Variants in ABCC5 observed in about 807,000 individuals in gnomAD.
ABCC5 encodes the protein ATP-binding cassette sub-family C member 5.
A neutral mutation model predicts 160.9 loss-of-function variants in ABCC5; 61 were observed. The observed-to-expected ratio is 0.38, with a 90% CI of 0.31 to 0.47. The LOEUF is 0.47. Among genes scored for constraint, ABCC5 ranks in the 20% least tolerant of loss-of-function variants. ABCC5 has a pLI of 0.99. For synonymous variants in ABCC5, 666 were observed against 700.6 expected (o/e 0.95, Z 0.78); for missense variants, 1,308 against 1,813.3 (o/e 0.72, Z 5.06).
chr3:183,944,584 T>C (rs1193679657), intron 24 of ABCC5, among the ~76,000 whole-genome samples: 2 of 152,170 alleles, frequency 1.3e-5, no homozygotes, highest in African/African-American at 4.8e-5. Flanking sequence ...TTGAGTTCAA[T>C]TTGAGAATCT....
At position 183,982,686 on chromosome 3, in the gene ABCC5, G is replaced by A. The variant is rs1319995478; in HGVS notation, c.826-62C>T. The A allele has an allele frequency of 1.2e-6, 2 of 1,607,146 alleles. No individual in the cohort carries two copies. The highest frequency in any genetic ancestry group is 2.7e-5 in the African/African-American group (2 of 74,682). On this transcript the variant is annotated intron_variant, in intron 6 of 29. Transcript: ENST00000334444. This position sits in a 1 kb window ranked among gnomAD's most constrained non-coding sequence, Gnocchi z 5.2. ...GGACACGGTTCATTTGTCTCAGGAG[G>A]AAGATAAAGGATAAGGCAGGGCCCT...
At chr3:183,953,000 AAC>A in intron 18 of ABCC5, 84 bp downstream of exon 18, 3 of 1,386,536 alleles carry the variant, frequency 2.2e-6, no homozygotes, top group South Asian at 1.4e-5. Flanking sequence ...TGAAAACTAG[AAC>A]AGTTTCCCTA....
chr3:183,940,345 A>C (rs2108779043), intron 25 of ABCC5, among the ~76,000 whole-genome samples: 1 of 51,024 alleles, frequency 2.0e-5, no homozygotes, highest in Admixed American at 2.3e-4. Flanking sequence ...TAAAAAATAC[A>C]AAAAAAAAAA....
intron 2 of ABCC5, among the ~76,000 whole-genome samples, chr3:184,008,179 C>G (rs923042872): frequency 3.9e-5 from 6 of 152,212 alleles, no homozygotes; most frequent in African/African-American, 1.4e-4. Context: ...TTATCTTTAT[C>G]TGCACCAGAC....
intron 26 of ABCC5, among the ~76,000 whole-genome samples, chr3:183,932,179 G>T (rs558135422): frequency 6.6e-6 from 1 of 152,318 alleles, no homozygotes; most frequent in South Asian, 2.1e-4. Context: ...TTGGTTTTCA[G>T]AGCAGGAGAT....
rs1209923009 is a variant in ABCC5 at position 183,981,744 on chromosome 3, A to G, written c.1130T>C (p.Phe377Ser). 4 of 1,611,016 alleles carry G rather than the reference A, an allele frequency of 2.5e-6. No individual in the cohort carries two copies. The highest frequency in any genetic ancestry group is 3.4e-6 in the Non-Finnish European group (4 of 1,179,374). ...AAACTCACTTTGAACACTCTGAGAAAATGCTTTGACCCAGGCATACATTTT... is the reference window on the plus strand; with the variant it reads ...AAACTCACTTTGAACACTCTGAGAAGATGCTTTGACCCAGGCATACATTTT... ...FIKMYAWVKA[F>S]SQSVQKIREE... The change falls in exon 8 of 30, where the codon TTT (phenylalanine) becomes TCT (serine). Residue 377 changes from phenylalanine to serine, a missense_variant. Physicochemically the swap from Phe to Ser is radical, Grantham distance 155. Coordinates refer to ENST00000334444, the MANE Select transcript of ABCC5 (RefSeq NM_005688.4).
At position 183,982,915 on chromosome 3, in the gene ABCC5, C is replaced by T. The variant is rs373271134; in HGVS notation, c.684G>A (p.Thr228=). The part of the protein sequence containing the change: ...SLLLVLGLLL[T]EIVRSWSLAL... ...CAAGCGACCAAGACCGCACGATTTC[C>T]GTCAGGAGGAGGCCCAGCACTAACA... The change falls in exon 6 of 30, where the codon ACG becomes ACA. Residue 228 remains threonine (T), a synonymous_variant. Coordinates refer to ENST00000334444, the MANE Select transcript of ABCC5 (RefSeq NM_005688.4). The surrounding 1 kb of genome is among the most constrained non-coding windows in gnomAD (Gnocchi z 5.2). 1.2e-5 allele frequency: 19 copies of T among 1,614,224 alleles called. No homozygotes were observed. The highest frequency in any genetic ancestry group is 1.5e-5 in the Non-Finnish European group (18 of 1,180,034).
intron 5 of ABCC5, chr3:183,983,963 T>A (rs897502247): frequency 3.0e-6 from 3 of 985,272 alleles, no homozygotes; most frequent in African/African-American, 1.7e-5. Flanking sequence ...ATAGAACCCA[T>A]ATCTGTTTCC....
At chr3:183,935,403 T>TA (rs1560473066) in intron 26 of ABCC5, among the ~76,000 whole-genome samples, 8 of 146,838 alleles carry the variant, frequency 5.4e-5, no homozygotes. Flanking sequence ...GCTGGTCTGG[T>TA]ACTCCTGACC....
intron 2 of ABCC5, chr3:184,001,220 T>C (rs1275534528): frequency 3.7e-6 from 2 of 536,370 alleles, no homozygotes; most frequent in Non-Finnish European, 6.7e-6. Flanking sequence ...GCCACCGCAC[T>C]ACAGTCTGGG....
chr3:183,935,835 C>T (rs1219358829), intron 26 of ABCC5, among the ~76,000 whole-genome samples: 26 of 152,228 alleles, frequency 1.7e-4, no homozygotes. Flanking sequence ...TATTGCTTGT[C>T]TGACCTTATT....
chr3:183,987,355 C>T lies in ABCC5; in HGVS notation c.591+415G>A, dbSNP rs761990209. 2.4e-4 allele frequency: 95 copies of T among 395,456 alleles called. No individual in the cohort carries two copies. The highest frequency in any genetic ancestry group is 6.7e-4 in the Middle Eastern group (1 of 1,500). 24.5% of individuals were successfully genotyped at this position (395,456 alleles called of 1,614,324 possible). Reference sequence around the variant, plus strand: ...CAGGGCTTATTTGCCACAGACCTGCCAAACATGTGATAACTGCCTCCAGGC... The same window carrying T: ...CAGGGCTTATTTGCCACAGACCTGCTAAACATGTGATAACTGCCTCCAGGC... On this transcript the variant is annotated intron_variant, in intron 5 of 29. Coordinates refer to ENST00000334444, the MANE Select transcript of ABCC5 (RefSeq NM_005688.4). This position sits in a 1 kb window ranked among gnomAD's most constrained non-coding sequence, Gnocchi z 4.2.
Position 183,988,739 on chromosome 3 carries a change from A to G in ABCC5, c.288-12T>C. 1 of 1,611,034 alleles carries G rather than the reference A, an allele frequency of 6.2e-7. No individual in the cohort carries two copies. The highest frequency in any genetic ancestry group is 8.5e-7 in the Non-Finnish European group (1 of 1,179,038). On this transcript the variant is annotated splice_polypyrimidine_tract_variant and intron_variant, in intron 3 of 29. Transcript: ENST00000334444. The surrounding 1 kb of genome is among the most constrained non-coding windows in gnomAD (Gnocchi z 4.4). Reference sequence around the variant, plus strand: ...CTGGGTGCTGGTGTCTAAGGAGAGAAAACCGAAATCACAAAGCTATCAACA... The same window carrying G: ...CTGGGTGCTGGTGTCTAAGGAGAGAGAACCGAAATCACAAAGCTATCAACA...
chr3:183,982,939 C>T lies in ABCC5; in HGVS notation c.660G>A (p.Leu220=), dbSNP rs767647366. 1 of 1,614,248 alleles carries T rather than the reference C, an allele frequency of 6.2e-7. No individual in the cohort carries two copies. The highest frequency in any genetic ancestry group is 8.5e-7 in the Non-Finnish European group (1 of 1,180,048). Residue 220 remains leucine, a synonymous_variant, in exon 6 of 30, where the codon TTG becomes TTA. Transcript: ENST00000334444. The surrounding 1 kb of genome is among the most constrained non-coding windows in gnomAD (Gnocchi z 5.2). ...CCGTCAGGAGGAGGCCCAGCACTAACAACAAGCTGTACTGCAGGTTAGACT... is the reference window on the plus strand; with the variant it reads ...CCGTCAGGAGGAGGCCCAGCACTAATAACAAGCTGTACTGCAGGTTAGACT... ...ATESNLQYSL[L]LVLGLLLTEI...
In ABCC5 at chr3:183,950,122, T is replaced by A; in HGVS notation, c.2948A>T (p.Asp983Val). The A allele has an allele frequency of 6.2e-7, 1 of 1,611,190 alleles. No individual in the cohort carries two copies. The highest frequency in any genetic ancestry group is 8.5e-7 in the Non-Finnish European group (1 of 1,179,268). ...NRFSKDMDEV[D>V]VRLPFQAEMF... ...CTCGGCCTGGAACGGCAGCCGCACGTCAACTGTGGAAACAAATAAAGGAGC... is the reference window on the plus strand; with the variant it reads ...CTCGGCCTGGAACGGCAGCCGCACGACAACTGTGGAAACAAATAAAGGAGC... The change falls in exon 21 of 30, where the codon GAC (aspartate) becomes GTC (valine). Residue 983 changes from aspartate to valine, a missense_variant. By Grantham distance (152) the Asp-to-Val change is radical. This residue lies in a region of ABCC5 where 1,142 missense variants were observed against 1,527.1 expected (regional missense o/e 0.75). Transcript: ENST00000334444.
chr3:184,001,290 T>C (rs1286179227), intron 2 of ABCC5: 3 of 484,110 alleles, frequency 6.2e-6, no homozygotes, highest in Non-Finnish European at 1.1e-5. Context: ...ATTTAAATAA[T>C]ATATTTCATT....
At chr3:183,964,834 ACTAT>A (rs1261676713) in intron 14 of ABCC5, among the ~76,000 whole-genome samples, 7 of 152,214 alleles carry the variant, frequency 4.6e-5, no homozygotes, top group South Asian at 2.1e-4. Context: ...CTCTCTACAG[ACTAT>A]CTGAGTTAAG....
chr3:183,983,815 C>T (rs1488394222), intron 5 of ABCC5: 7 of 985,402 alleles, frequency 7.1e-6, no homozygotes, highest in Non-Finnish European at 8.4e-6. Context: ...CAAAGAGCAT[C>T]TCACAAACAC....
intron 29 of ABCC5, among the ~76,000 whole-genome samples, chr3:183,925,054 A>G (rs1712393849): frequency 1.3e-5 from 2 of 152,234 alleles, no homozygotes; most frequent in Admixed American, 1.3e-4. Flanking sequence ...GGCTGTGGGA[A>G]CGCCTGAAAC....
Sources: gnomAD v4.1 joint callset for allele counts (sites outside exome capture counted in the v4.1 genomes callset) on GRCh38, gnomAD v4.1.1 for gene constraint, gnomAD v4.1.1 regional missense constraint, Gnocchi (gnomAD v3.1) non-coding constraint, MANE v1.5 for transcripts, NCBI Gene and HGNC (gene_info 2026-07-23, HGNC 2026-07-21) for gene names.